Variants in SLC14A2 observed in about 807,000 individuals in gnomAD.
The protein encoded by SLC14A2 is solute carrier family 14 member 2.
Under a neutral mutation model 104.6 loss-of-function variants are expected in SLC14A2, and 91 were observed. The observed-to-expected ratio is 0.87, with a 90% CI of 0.73 to 1.04. The LOEUF (loss-of-function observed/expected upper bound fraction) is 1.04, where lower values mean the gene tolerates loss of function less well. Ranked by LOEUF, SLC14A2 falls within the 50% of genes least tolerant of loss-of-function variation. The pLI, the probability that SLC14A2 is intolerant of heterozygous loss-of-function variation, is 0.00. For synonymous variants in SLC14A2, 476 were observed against 466.4 expected, an observed-to-expected ratio of 1.02 and a Z score of -0.27; for missense variants, 1,189 against 1,156.0, an observed-to-expected ratio of 1.03 and a Z score of -0.41.
At position 45,510,176 on chromosome 18, in the gene SLC14A2, C is replaced by A. The variant is rs1285231889; in HGVS notation, c.-35+26854C>A. 2.0e-5 allele frequency among the ~76,000 whole-genome samples: 3 copies of A among 152,120 alleles called. 1 individual carries two copies. Among genetic ancestry groups the A allele is most frequent in the Admixed American group, 2.0e-4 (3 of 15,270 alleles). Reference sequence around the variant, plus strand: ...GCATGGAAGTGAGCATTTTGGATGGCTTCTTACAGGTGCTAAATGTTTTTT... The same window carrying A: ...GCATGGAAGTGAGCATTTTGGATGGATTCTTACAGGTGCTAAATGTTTTTT... On this transcript the variant is annotated intron_variant, in intron 2 of 20. Coordinates refer to the SLC14A2 transcript ENST00000586448.
intron 1 of SLC14A2, among the ~76,000 whole-genome samples, chr18:45,481,612 A>G (rs530062046): frequency 1.3e-5 from 2 of 152,212 alleles, no homozygotes; most frequent in Admixed American, 1.3e-4. Context: ...CAAAAAATCT[A>G]TTGAATTCAG....
At chr18:45,621,293 A>G (rs1392777574) in intron 1 of SLC14A2, among the ~76,000 whole-genome samples, 2 of 152,234 alleles carry the variant, frequency 1.3e-5, no homozygotes, top group Non-Finnish European at 2.9e-5. Flanking sequence ...CAGGGTCAGA[A>G]TACAAGGAAA....
intron 1 of SLC14A2, among the ~76,000 whole-genome samples, chr18:45,460,545 G>A (rs1424745812): frequency 6.6e-6 from 1 of 152,204 alleles, no homozygotes; most frequent in Non-Finnish European, 1.5e-5. Flanking sequence ...TGAACTGTAA[G>A]AGAAGCTAAG....
intron 1 of SLC14A2, among the ~76,000 whole-genome samples, chr18:45,456,360 A>G (rs1475429631): frequency 2.0e-5 from 3 of 152,324 alleles, no homozygotes; most frequent in South Asian, 4.1e-4. Context: ...CAGTGCCCCC[A>G]GGGGATGCTG....
chr18:45,269,760 G>C (rs2084631394), intron 1 of SLC14A2, among the ~76,000 whole-genome samples: 1 of 152,200 alleles, frequency 6.6e-6, no homozygotes, highest in Non-Finnish European at 1.5e-5. Flanking sequence ...GAACATCAGA[G>C]CATTCTTTTT....
the SLC14A2 span, among the ~76,000 whole-genome samples, chr18:45,183,949 C>T: frequency 1.0e-5 from 1 of 97,940 alleles, no homozygotes; most frequent in Non-Finnish European, 1.8e-5. Flanking sequence ...GACATGGAGT[C>T]TCATATGTTG....
At chr18:45,545,828 A>G (rs76808741) in intron 2 of SLC14A2, among the ~76,000 whole-genome samples, 5,046 of 152,358 alleles carry the variant, frequency 0.033, 114 homozygotes, top group Middle Eastern at 0.054. Flanking sequence ...CACATATCCC[A>G]TTAGTAAATA....
At position 45,341,056 on chromosome 18, in the gene SLC14A2, G is replaced by A. The variant is rs184423351; in HGVS notation, c.-125+127865G>A. ...GTCCATCTCAGATCAAGGCCCCAAG[G>A]GTGGCTGTAGAAAGGCTTGAATCAT... On this transcript the variant is annotated intron_variant, in intron 1 of 20. Coordinates refer to the SLC14A2 transcript ENST00000586448. Among the ~76,000 whole-genome samples the A allele has an allele frequency of 2.6e-3, 395 of 152,084 alleles. 1 individual carries two copies. Among genetic ancestry groups the A allele is most frequent in the African/African-American group, 9.1e-3 (377 of 41,368 alleles).
chr18:45,474,705 C>T (rs543075957), intron 1 of SLC14A2, among the ~76,000 whole-genome samples: 21 of 152,104 alleles, frequency 1.4e-4, no homozygotes, highest in South Asian at 4.2e-4. Flanking sequence ...TTTGCATTTC[C>T]GTAGGTTCAG....
chr18:45,429,905 C>A (rs928359502), intron 1 of SLC14A2, among the ~76,000 whole-genome samples: 1 of 152,110 alleles, frequency 6.6e-6, no homozygotes, highest in South Asian at 2.1e-4. Context: ...TTGTTTTAGT[C>A]CTTCCCTAAG....
chr18:45,595,787 G>A lies in SLC14A2; in HGVS notation c.-34-28844G>A, dbSNP rs1375572830. ...AGCGGCAGCCTTTGACCTCTTCCCTGCTCCCCGGCTTCCTCACTTCCACAC... is the reference window on the plus strand; with the variant it reads ...AGCGGCAGCCTTTGACCTCTTCCCTACTCCCCGGCTTCCTCACTTCCACAC... On this transcript the variant is annotated intron_variant, in intron 2 of 20. Transcript: ENST00000586448. 2.0e-5 allele frequency among the ~76,000 whole-genome samples: 3 copies of A among 152,212 alleles called. No homozygotes were observed. In the East Asian group the frequency reaches 5.8e-4, roughly 29 times the overall value.
intron 1 of SLC14A2, among the ~76,000 whole-genome samples, chr18:45,433,944 T>A (rs981627405): frequency 6.6e-6 from 1 of 152,188 alleles, no homozygotes; most frequent in African/African-American, 2.4e-5. Flanking sequence ...TCTCACTGCC[T>A]TCAGTTCATC....
intron 2 of SLC14A2, among the ~76,000 whole-genome samples, chr18:45,590,665 C>T (rs1375188430): frequency 2.6e-5 from 4 of 152,144 alleles, no homozygotes; most frequent in Non-Finnish European, 5.9e-5. Context: ...ACATCAGGAC[C>T]CACCTGCCAT....
chr18:45,497,292 T>C (rs1443772443), intron 2 of SLC14A2, among the ~76,000 whole-genome samples: 1 of 152,174 alleles, frequency 6.6e-6, no homozygotes, highest in African/African-American at 2.4e-5. Flanking sequence ...CAACAGTTAA[T>C]TCAACAACCG....
At chr18:45,269,495 G>A (rs577713738) in intron 1 of SLC14A2, among the ~76,000 whole-genome samples, 93 of 151,834 alleles carry the variant, frequency 6.1e-4, no homozygotes, top group Admixed American at 1.4e-3. Flanking sequence ...CACTGAGACT[G>A]CCTGAGTGCC....
chr18:45,205,413 A>G, the SLC14A2 span, among the ~76,000 whole-genome samples: 16 of 152,182 alleles, frequency 1.1e-4, no homozygotes, highest in Non-Finnish European at 1.9e-4. Flanking sequence ...GTTGCAAAAC[A>G]TTTTATTAGA....
chr18:45,579,902 A>G (rs1172784987), intron 2 of SLC14A2, among the ~76,000 whole-genome samples: 2 of 152,164 alleles, frequency 1.3e-5, no homozygotes, highest in African/African-American at 4.8e-5. Context: ...GAACCATGCA[A>G]AGAGTTAAGA....
chr18:45,607,231 C>T lies in SLC14A2; in HGVS notation c.-34-17400C>T, dbSNP rs138198579. Among the ~76,000 whole-genome samples the T allele has an allele frequency of 2.6e-3, 401 of 152,200 alleles. 4 individuals are homozygous for T. Among genetic ancestry groups the T allele is most frequent in the African/African-American group, 9.3e-3 (385 of 41,510 alleles). On this transcript the variant is annotated intron_variant, in intron 2 of 20. Coordinates refer to the SLC14A2 transcript ENST00000586448. The stretch of plus-strand genomic sequence containing the variant: ...TGGGTTGTGTCTTCAAAACCAATCC[C>T]CAGTCAGGGTTTTTTCCCCTAGAGA...
chr18:45,350,822 A>G (rs2085496159), intron 1 of SLC14A2, among the ~76,000 whole-genome samples: 1 of 152,170 alleles, frequency 6.6e-6, no homozygotes, highest in African/African-American at 2.4e-5. Flanking sequence ...AAGCACCATA[A>G]TAAAGAAGAC....
Sources: gnomAD v4.1 joint callset for allele counts (sites outside exome capture counted in the v4.1 genomes callset) on GRCh38, gnomAD v4.1.1 for gene constraint, MANE v1.5 for transcripts, NCBI Gene and HGNC (gene_info 2026-07-23, HGNC 2026-07-21) for gene names.